The following PARG variants were observed in gnomAD, a reference collection of about 807,000 sequenced individuals.
PARG encodes mitochondrial poly(ADP-ribose) glycohydrolase.
Under a neutral mutation model 113.0 loss-of-function variants are expected in PARG, and 35 were observed. The observed-to-expected ratio is 0.31, with a 90% CI of 0.24 to 0.41. The LOEUF (loss-of-function observed/expected upper bound fraction) is 0.41, where lower values mean the gene tolerates loss of function less well. Among genes scored for constraint, PARG ranks in the 10% least tolerant of loss-of-function variants. The probability of loss-of-function intolerance (pLI) is 1.00; values close to 1 mark genes in which losing one functional copy is unlikely to be tolerated. For missense variants in PARG, 797 were observed against 1,169.4 expected (o/e 0.68, Z 4.64); for synonymous variants, 330 against 409.9 (o/e 0.81, Z 2.36).
At chr10:49,842,849 A>C (rs1845311762) in intron 14 of PARG, among the ~76,000 whole-genome samples, 1 of 152,210 alleles carries the variant, frequency 6.6e-6, no homozygotes, top group Non-Finnish European at 1.5e-5. Flanking sequence ...TATTTTAAAC[A>C]AAATAGCAAG....
rs912732177 is a variant in PARG, at chr10:49,819,174, G to A, written c.*166C>T. The stretch of plus-strand genomic sequence containing the variant: ...GAGTCAGGATGGAGGGAGTTTAGAT[G>A]TACCAACTGACAACTGCACATGTGT... On this transcript the variant is annotated 3_prime_UTR_variant, in exon 18 of 18. Coordinates refer to ENST00000616448, the MANE Select transcript of PARG (RefSeq NM_003631.5). The A allele has an allele frequency of 1.3e-5, 7 of 543,878 alleles. No individual in the cohort carries two copies. The highest frequency in any genetic ancestry group is 2.3e-5 in the Non-Finnish European group (7 of 305,242). 33.7% of individuals were successfully genotyped at this position (543,878 alleles called of 1,614,324 possible).
intron 1 of PARG, among the ~76,000 whole-genome samples, chr10:49,938,791 A>G (rs1290149312): frequency 3.9e-5 from 6 of 152,150 alleles, no homozygotes; most frequent in African/African-American, 1.2e-4. Context: ...TAAAATTTAA[A>G]GATACTGAAT....
At chr10:49,829,900 G>A (rs1844571397) in intron 16 of PARG, among the ~76,000 whole-genome samples, 1 of 151,850 alleles carries the variant, frequency 6.6e-6, no homozygotes, top group Non-Finnish European at 1.5e-5. Flanking sequence ...ATATTTTATT[G>A]CATAAATGTA....
intron 13 of PARG, among the ~76,000 whole-genome samples, chr10:49,845,879 AGAGT>A (rs1845480735): frequency 6.6e-6 from 1 of 152,010 alleles, no homozygotes; most frequent in South Asian, 2.1e-4. Context: ...CCTGGGCAAC[AGAGT>A]GAGACTTTGT....
chr10:49,923,099 C>T (rs1389131410), intron 4 of PARG, among the ~76,000 whole-genome samples: 2 of 152,218 alleles, frequency 1.3e-5, no homozygotes, highest in Admixed American at 1.3e-4. Context: ...TTAAACAACA[C>T]TTAAAATTCC....
intron 15 of PARG, among the ~76,000 whole-genome samples, chr10:49,835,227 T>C (rs1242025003): frequency 6.6e-6 from 1 of 152,224 alleles, no homozygotes; most frequent in African/African-American, 2.4e-5. Context: ...AAGAGCTCTA[T>C]ATTGGCAAAT....
intron 7 of PARG, among the ~76,000 whole-genome samples, chr10:49,896,036 C>T (rs374470398): frequency 4.5e-3 from 683 of 152,172 alleles, no homozygotes; most frequent in East Asian, 0.019. Context: ...CAACTACAAA[C>T]AGAAACAGTT....
chr10:49,926,209 A>G (rs537998005), intron 4 of PARG, among the ~76,000 whole-genome samples: 10 of 152,294 alleles, frequency 6.6e-5, no homozygotes, highest in Admixed American at 5.9e-4. Flanking sequence ...GGCAAAATGG[A>G]AGAAAGGAGA....
intron 15 of PARG, among the ~76,000 whole-genome samples, chr10:49,838,694 C>T (rs1048167020): frequency 5.9e-5 from 9 of 151,882 alleles, no homozygotes; most frequent in Non-Finnish European, 1.3e-4. Flanking sequence ...GCAAGAATTA[C>T]TTTTACTATT....
chr10:49,844,950 T>C (rs1262816136), intron 13 of PARG, among the ~76,000 whole-genome samples: 1 of 152,096 alleles, frequency 6.6e-6, no homozygotes, highest in Non-Finnish European at 1.5e-5. Context: ...GACCTGAATA[T>C]AAACTTCACA....
intron 7 of PARG, among the ~76,000 whole-genome samples, chr10:49,900,877 A>T (rs1336855952): frequency 6.6e-6 from 1 of 152,018 alleles, no homozygotes; most frequent in Non-Finnish European, 1.5e-5. Flanking sequence ...TCAATACCAC[A>T]TAGTCACATT....
intron 7 of PARG, among the ~76,000 whole-genome samples, chr10:49,914,664 C>T (rs11813431): frequency 0.27 from 40,379 of 151,982 alleles, 5,554 homozygotes; most frequent in Non-Finnish European, 0.32. Context: ...AAGACCAAAG[C>T]TACAGGACAC....
chr10:49,869,332 G>T, intron 10 of PARG, 144 bp downstream of exon 10: 1 of 671,744 alleles, frequency 1.5e-6, no homozygotes, highest in Non-Finnish European at 2.7e-6. Context: ...ATAAAACTAG[G>T]TTATATTGTC....
chr10:49,838,613 A>T (rs1554831611), intron 15 of PARG, among the ~76,000 whole-genome samples: 1 of 152,110 alleles, frequency 6.6e-6, no homozygotes, highest in East Asian at 1.9e-4. Context: ...CTGAGTGGTT[A>T]GGACTAAATC....
intron 11 of PARG, among the ~76,000 whole-genome samples, chr10:49,862,067 A>G (rs553486612): frequency 1.1e-4 from 16 of 148,872 alleles, no homozygotes; most frequent in Non-Finnish European, 1.8e-4. Flanking sequence ...TCCATTTTCT[A>G]TTTTCACTGT....
chr10:49,932,321 T>C lies in PARG; in HGVS notation c.1272-38A>G. Reference sequence around the variant, plus strand: ...CAAATGTATTTAGTCACAAATTATTTACTGTTTTAATTCCCTTAGATACAC... The same window carrying C: ...CAAATGTATTTAGTCACAAATTATTCACTGTTTTAATTCCCTTAGATACAC... On this transcript the variant is annotated intron_variant, in intron 3 of 17. Transcript: ENST00000616448. 4 of 1,258,482 alleles carry C rather than the reference T, an allele frequency of 3.2e-6. No individual in the cohort carries two copies. In the Middle Eastern group the frequency reaches 7.5e-4, roughly 236 times the overall value. The allele number at this position is 1,258,482 out of a possible 1,614,324, so 78.0% of individuals were successfully genotyped here.
intron 16 of PARG, among the ~76,000 whole-genome samples, chr10:49,821,871 G>A (rs1188313055): frequency 6.6e-6 from 1 of 151,902 alleles, no homozygotes; most frequent in Admixed American, 6.6e-5. Flanking sequence ...AGAAGAACAG[G>A]AAGAAAGAAA....
At chr10:49,940,657 G>T (rs1698081455) in intron 1 of PARG, among the ~76,000 whole-genome samples, 1 of 152,138 alleles carries the variant, frequency 6.6e-6, no homozygotes, top group Non-Finnish European at 1.5e-5. Context: ...CTCCCGAGTA[G>T]CTGGGATTAC....
intron 4 of PARG, among the ~76,000 whole-genome samples, chr10:49,928,920 A>T (rs1183756522): frequency 6.6e-6 from 1 of 152,394 alleles, no homozygotes; most frequent in East Asian, 1.9e-4. Context: ...CATATTCAGG[A>T]ATAAGAATCT....
Sources: gnomAD v4.1 joint callset for allele counts (sites outside exome capture counted in the v4.1 genomes callset) on GRCh38, gnomAD v4.1.1 for gene constraint, MANE v1.5 for transcripts, NCBI Gene and HGNC (gene_info 2026-07-23, HGNC 2026-07-21) for gene names.